CLEC19A: variants seen among roughly 807,000 people sequenced by gnomAD.
CLEC19A encodes C-type lectin domain family 19 member A.
CLEC19A carries 21 observed loss-of-function variants against 26.1 expected under a neutral mutation model. The ratio of observed to expected loss-of-function variants is 0.80; its 90% CI spans 0.57 to 1.16. The LOEUF (loss-of-function observed/expected upper bound fraction) is 1.16. CLEC19A is among the 50% of genes most tolerant of loss of function. The pLI, the probability that CLEC19A is intolerant of heterozygous loss-of-function variation, is 0.00. For missense variants in CLEC19A, 224 were observed against 227.6 expected, an observed-to-expected ratio of 0.98 and a Z score of 0.10; for synonymous variants, 89 against 88.6, an observed-to-expected ratio of 1.00 and a Z score of -0.03.
chr16:19,304,258 C>G, intron 3 of CLEC19A, 103 bp downstream of exon 3: 1 of 915,314 alleles, frequency 1.1e-6, no homozygotes. Context: ...GCTATGCACA[C>G]AGCATATAGA....
chr16:19,295,827 CT>C (rs1720138044), intron 1 of CLEC19A, among the ~76,000 whole-genome samples: 2 of 152,160 alleles, frequency 1.3e-5, no homozygotes, highest in African/African-American at 4.8e-5. Flanking sequence ...TCAGTAGAGC[CT>C]TTTTGTGTTG....
intron 2 of CLEC19A, among the ~76,000 whole-genome samples, chr16:19,301,727 G>A (rs1897824965): frequency 3.5e-5 from 1 of 28,556 alleles, no homozygotes; most frequent in Admixed American, 5.5e-4. Flanking sequence ...CCATGCCCAG[G>A]TTTTTTTGGT....
Position 19,298,243 on chromosome 16 carries a change from CA to C in CLEC19A, c.89-414del, listed in dbSNP as rs377007663. On this transcript the variant is annotated intron_variant, in intron 1 of 4. Coordinates refer to ENST00000636231, the MANE Select transcript of CLEC19A (RefSeq NM_001256720.2). ...GGCAACATGAGCAAAAACTCAATCT[CA>C]AAAAAAAAAAAAAAAGTATGTACAG... 5.1e-3 allele frequency among the ~76,000 whole-genome samples: 645 copies of C among 127,410 alleles called. 7 individuals carry two copies. The highest frequency in any genetic ancestry group is 0.017 in the African/African-American group (568 of 33,006). 83.6% of individuals were successfully genotyped at this position (127,410 alleles called of 152,430 possible).
At chr16:19,301,881 G>A (rs889387212) in intron 2 of CLEC19A, among the ~76,000 whole-genome samples, 26 of 151,514 alleles carry the variant, frequency 1.7e-4, no homozygotes, top group African/African-American at 5.1e-4. Flanking sequence ...ATGAGCCACC[G>A]CGCCCGGCCT....
chr16:19,293,827 A>G (rs754136661), intron 1 of CLEC19A, among the ~76,000 whole-genome samples: 1 of 152,222 alleles, frequency 6.6e-6, no homozygotes, highest in African/African-American at 2.4e-5. Context: ...TGATACAGGC[A>G]TACAGTGTGT....
intron 1 of CLEC19A, among the ~76,000 whole-genome samples, chr16:19,293,499 G>T (rs186493599): frequency 8.7e-4 from 131 of 151,206 alleles, no homozygotes; most frequent in African/African-American, 2.9e-3. Context: ...GTCTTGCTCT[G>T]TCACCCAGGC....
Position 19,310,727 on chromosome 16 carries a change from A to G in CLEC19A, c.*1644A>G, listed in dbSNP as rs947505787. 3 of 152,370 alleles carry G rather than the reference A, an allele frequency of 2.0e-5. No homozygotes were observed. Among genetic ancestry groups the G allele is most frequent in the African/African-American group, 7.2e-5 (3 of 41,578 alleles). The allele number at this position is 152,370 out of a possible 1,614,324, so 9.4% of individuals were successfully genotyped here. ...GATTCCATATATATGAAATATCCAG[A>G]ATAGGCAAGTCTATAGAGATGGAAA... On this transcript the variant is annotated 3_prime_UTR_variant, in exon 5 of 5. Coordinates refer to ENST00000636231, the MANE Select transcript of CLEC19A (RefSeq NM_001256720.2).
At position 19,307,627 on chromosome 16, in the gene CLEC19A, C is replaced by A; in HGVS notation, c.431C>A (p.Ala144Glu). The A allele has an allele frequency of 6.5e-7, 1 of 1,548,318 alleles. No individual in the cohort carries two copies. Among genetic ancestry groups the A allele is most frequent in the Non-Finnish European group, 8.7e-7 (1 of 1,146,826 alleles). ...DGSQPDDGVH[A>E]DPEEEDCVQI... ...AGCCAGCCAGATGATGGCGTCCACG[C>A]GGACCCAGAAGAAGAGGACTGCGTG... The change falls in exon 4 of 5, where the codon GCG becomes GAG. Residue 144 changes from alanine to glutamate, a missense_variant. By Grantham distance (107) the Ala-to-Glu change is moderately radical. Coordinates refer to ENST00000636231, the MANE Select transcript of CLEC19A (RefSeq NM_001256720.2).
intron 4 of CLEC19A, 22 bp downstream of exon 4, chr16:19,307,699 G>T: frequency 3.2e-6 from 5 of 1,547,436 alleles, no homozygotes; most frequent in Admixed American, 2.0e-5. Flanking sequence ...TGAGACCAAG[G>T]CTCTTGCAGG....
At chr16:19,294,876 G>GTTGCTGTGCTGTA (rs1324684061) in intron 1 of CLEC19A, among the ~76,000 whole-genome samples, 1 of 152,160 alleles carries the variant, frequency 6.6e-6, no homozygotes, top group Non-Finnish European at 1.5e-5. Context: ...GCTGTGCTGT[G>GTTGCTGTGCTGTA]GGGTTATTTT....
At chr16:19,301,735 GGTTTTTTTTT>G (rs1314929986) in intron 2 of CLEC19A, among the ~76,000 whole-genome samples, 21 of 35,138 alleles carry the variant, frequency 6.0e-4, no homozygotes, top group Admixed American at 2.6e-3. Context: ...AGGTTTTTTT[GGTTTTTTTTT>G]TTTTTTTTTT....
At chr16:19,304,198 C>T (rs1327852920) in intron 3 of CLEC19A, 43 bp downstream of exon 3, 15 of 1,488,480 alleles carry the variant, frequency 1.0e-5, no homozygotes, top group African/African-American at 1.4e-5. Context: ...AAGCTCCAGC[C>T]AGGATTCTAT....
intron 3 of CLEC19A, among the ~76,000 whole-genome samples, chr16:19,306,859 C>T (rs1250938605): frequency 6.6e-6 from 1 of 152,168 alleles, no homozygotes; most frequent in African/African-American, 2.4e-5. Context: ...AAGTAGCATG[C>T]TATTCCCATT....
chr16:19,301,748 T>TTTG (rs1897834806), intron 2 of CLEC19A, among the ~76,000 whole-genome samples: 1 of 121,616 alleles, frequency 8.2e-6, no homozygotes, highest in African/African-American at 3.6e-5. Context: ...TTTTTTTTTT[T>TTTG]TTTTTTTTTT....
At chr16:19,307,493 C>T in intron 3 of CLEC19A, 52 bp from the exon 4 acceptor site, 2 of 1,542,528 alleles carry the variant, frequency 1.3e-6, no homozygotes, top group Non-Finnish European at 1.7e-6. Context: ...GCTCAAATGC[C>T]TGATCTTCTT....
chr16:19,292,444 G>A (rs558384825), intron 1 of CLEC19A, among the ~76,000 whole-genome samples: 3 of 152,172 alleles, frequency 2.0e-5, no homozygotes, highest in Non-Finnish European at 4.4e-5. Context: ...GCAGTGTCAG[G>A]ACTCCTGGTT....
intron 1 of CLEC19A, among the ~76,000 whole-genome samples, chr16:19,290,986 G>A (rs954228447): frequency 6.6e-6 from 1 of 152,170 alleles, no homozygotes; most frequent in Admixed American, 6.5e-5. Flanking sequence ...CTACAGGCAT[G>A]TGCCACCACA....
In CLEC19A at chr16:19,285,792, T is replaced by A; in HGVS notation, c.-60T>A. The A allele has an allele frequency of 6.8e-7, 1 of 1,473,928 alleles. No homozygotes were observed. The highest frequency in any genetic ancestry group is 1.2e-5 in the South Asian group (1 of 82,482). 91.3% of individuals were successfully genotyped at this position (1,473,928 alleles called of 1,614,324 possible). A position where few individuals can be genotyped will look rare whatever the true frequency, so the allele number is the denominator to read the frequency against. On this transcript the variant is annotated 5_prime_UTR_variant, in exon 1 of 5. Coordinates refer to ENST00000636231, the MANE Select transcript of CLEC19A (RefSeq NM_001256720.2). ...TAGGAGAGCAATCCTGGACCCAAGC[T>A]CCAGCCAAAAAGCCTCTCTCCTCCA...
At chr16:19,291,080 C>T (rs1428213358) in intron 1 of CLEC19A, among the ~76,000 whole-genome samples, 5 of 152,162 alleles carry the variant, frequency 3.3e-5, no homozygotes, top group African/African-American at 9.7e-5. Flanking sequence ...TGGCCTCAAA[C>T]GATCCTCCTG....
Sources: allele counts gnomAD v4.1 joint callset (sites outside exome capture counted in the v4.1 genomes callset), GRCh38; gene constraint gnomAD v4.1.1; transcripts MANE v1.5; gene names NCBI Gene and HGNC (gene_info 2026-07-23, HGNC 2026-07-21).